Variants in HDAC9 observed in about 807,000 individuals in gnomAD.
HDAC9 encodes the protein histone deacetylase 9, also known as MEF-2 interacting transcription repressor (MITR) protein.
Under a neutral mutation model 139.4 loss-of-function variants are expected in HDAC9, and 41 were observed. The observed-to-expected ratio is 0.29, with a 90% CI of 0.23 to 0.38. The LOEUF (loss-of-function observed/expected upper bound fraction) is 0.38, where lower values mean the gene tolerates loss of function less well. HDAC9 is among the 10% of genes least tolerant of loss of function. HDAC9 has a pLI of 1.00. For synonymous variants in HDAC9, 517 were observed against 476.2 expected (o/e 1.09, Z -1.12); for missense variants, 1,147 against 1,297.0 (o/e 0.88, Z 1.78).
chr7:18,598,917 C>G (rs1246588672), intron 6 of HDAC9, among the ~76,000 whole-genome samples: 1 of 152,200 alleles, frequency 6.6e-6, no homozygotes, highest in Non-Finnish European at 1.5e-5. Flanking sequence ...GGCTGCATGC[C>G]TATAGTCCTA....
intron 14 of HDAC9, among the ~76,000 whole-genome samples, chr7:18,760,832 A>G (rs1256456197): frequency 6.6e-6 from 1 of 152,218 alleles, no homozygotes; most frequent in African/African-American, 2.4e-5. Flanking sequence ...CAGATATTGA[A>G]GTTGTCCTGG....
Position 18,295,833 on chromosome 7 carries a change from C to T in HDAC9, c.-42+5318C>T, listed in dbSNP as rs191447820. Among the ~76,000 whole-genome samples the T allele has an allele frequency of 5.9e-3, 892 of 152,226 alleles. 7 individuals are homozygous for T. Among genetic ancestry groups the T allele is most frequent in the Non-Finnish European group, 8.5e-3 (579 of 68,004 alleles). ...CAGCAGGTAATGTAGGGGGCAGCAT[C>T]TAGGGGGAAGAGGCCAGGGATGCTG... On this transcript the variant is annotated intron_variant, in intron 1 of 3. Coordinates refer to the HDAC9 transcript ENST00000413509.
chr7:18,507,283 C>T (rs1447987568), intron 2 of HDAC9, among the ~76,000 whole-genome samples: 1 of 150,950 alleles, frequency 6.6e-6, no homozygotes, highest in Non-Finnish European at 1.5e-5. Context: ...CTCCACCTCC[C>T]GGGTTCACAC....
rs981444327 is a variant in HDAC9, at chr7:18,529,184, GA to G, written c.22+32870del. On this transcript the variant is annotated intron_variant, in intron 2 of 25. Transcript: ENST00000686413. ...TAGGAGACAGAAAATAACCAGAGAA[GA>G]AAAAAAAAATCTTTTGAAAAATGGT... 3.1e-4 allele frequency among the ~76,000 whole-genome samples: 47 copies of G among 149,358 alleles called. 1 individual carries two copies. In the South Asian group the frequency reaches 4.2e-3, roughly 13 times the overall value.
intron 1 of HDAC9, among the ~76,000 whole-genome samples, chr7:18,487,220 A>C (rs1056262802): frequency 6.6e-6 from 1 of 152,068 alleles, no homozygotes; most frequent in Non-Finnish European, 1.5e-5. Flanking sequence ...AATGTGAATA[A>C]AAAGAAAGTC....
chr7:18,183,488 T>C (rs1045025928), intron 2 of HDAC9, among the ~76,000 whole-genome samples: 1 of 152,178 alleles, frequency 6.6e-6, no homozygotes, highest in African/African-American at 2.4e-5. Context: ...TGACCCTGAT[T>C]CAGTTTCAAA....
chr7:18,199,754 CAAAAAAAA>C (rs59883693), intron 2 of HDAC9, among the ~76,000 whole-genome samples: 3 of 55,708 alleles, frequency 5.4e-5, no homozygotes, highest in South Asian at 8.2e-4. Context: ...ATGTGTCTAC[CAAAAAAAA>C]AAAAAAAAAA....
intron 1 of HDAC9, among the ~76,000 whole-genome samples, chr7:18,124,950 T>C (rs1784566824): frequency 1.3e-5 from 2 of 151,946 alleles, no homozygotes; most frequent in South Asian, 2.1e-4. Flanking sequence ...TGACAGTGGT[T>C]GTTGGGGGAA....
intron 22 of HDAC9, among the ~76,000 whole-genome samples, chr7:18,910,522 A>G (rs967825459): frequency 3.9e-5 from 6 of 151,904 alleles, no homozygotes; most frequent in African/African-American, 1.4e-4. Context: ...TCCCATGTGA[A>G]TGCCTTTTAT....
intron 2 of HDAC9, among the ~76,000 whole-genome samples, chr7:18,525,093 T>G (rs1211507213): frequency 6.6e-6 from 1 of 152,140 alleles, no homozygotes; most frequent in African/African-American, 2.4e-5. Flanking sequence ...AAAATCCTAA[T>G]AAATCAGTCT....
intron 22 of HDAC9, among the ~76,000 whole-genome samples, chr7:18,878,162 C>T (rs1248295873): frequency 2.0e-5 from 3 of 152,068 alleles, no homozygotes; most frequent in Non-Finnish European, 4.4e-5. Flanking sequence ...ATACTACCAC[C>T]CCCTGGCTTT....
chr7:18,859,842 A>ATGTGTGTGTGTGTGTGTGTG (rs1562997054), intron 21 of HDAC9, among the ~76,000 whole-genome samples: 1 of 129,560 alleles, frequency 7.7e-6, no homozygotes, highest in South Asian at 2.6e-4. Flanking sequence ...ATATATATAT[A>ATGTGTGTGTGTGTGTGTGTG]TATATATATA....
intron 16 of HDAC9, among the ~76,000 whole-genome samples, chr7:18,776,828 A>T (rs1790810235): frequency 6.6e-6 from 1 of 151,932 alleles, no homozygotes; most frequent in South Asian, 2.1e-4. Flanking sequence ...TGGGGAAGCA[A>T]GGAAAGTTCA....
chr7:18,656,425 C>T (rs1305988891), intron 11 of HDAC9, among the ~76,000 whole-genome samples: 1 of 152,022 alleles, frequency 6.6e-6, no homozygotes, highest in Non-Finnish European at 1.5e-5. Context: ...GGCTCAAAGA[C>T]CTGTAAACAG....
intron 22 of HDAC9, among the ~76,000 whole-genome samples, chr7:18,899,130 A>G (rs1801471106): frequency 1.3e-5 from 2 of 151,982 alleles, no homozygotes; most frequent in Non-Finnish European, 2.9e-5. Context: ...GTTAGGATAT[A>G]TTTGCTATGG....
chr7:18,772,889 C>T (rs376382518), intron 16 of HDAC9, among the ~76,000 whole-genome samples: 1 of 152,022 alleles, frequency 6.6e-6, no homozygotes, highest in African/African-American at 2.4e-5. Flanking sequence ...TCAGGGAATT[C>T]CTTCTAAATT....
At chr7:18,755,105 C>T (rs921957554) in intron 14 of HDAC9, among the ~76,000 whole-genome samples, 9 of 152,058 alleles carry the variant, frequency 5.9e-5, no homozygotes, top group African/African-American at 2.2e-4. Flanking sequence ...AAACAGGGAA[C>T]CCTGTGAATT....
intron 1 of HDAC9, among the ~76,000 whole-genome samples, chr7:18,338,041 T>G (rs1316573260): frequency 6.6e-6 from 1 of 151,744 alleles, no homozygotes; most frequent in Non-Finnish European, 1.5e-5. Flanking sequence ...GGCATTACTA[T>G]TTTTCACTAT....
At chr7:18,630,133 T>C (rs1781894605) in intron 7 of HDAC9, among the ~76,000 whole-genome samples, 1 of 152,034 alleles carries the variant, frequency 6.6e-6, no homozygotes, top group South Asian at 2.1e-4. Flanking sequence ...GTTCCAGTTG[T>C]ACCTGGTTTG....
Sources: allele counts gnomAD v4.1 joint callset (sites outside exome capture counted in the v4.1 genomes callset), GRCh38; gene constraint gnomAD v4.1.1; transcripts MANE v1.5; gene names NCBI Gene and HGNC (gene_info 2026-07-23, HGNC 2026-07-21).